The following TRAPPC9 variants were observed in gnomAD, a reference collection of about 807,000 sequenced individuals.
The protein encoded by TRAPPC9 is trafficking protein particle complex subunit 9.
In TRAPPC9, 83 loss-of-function variants were observed where a neutral mutation model predicts 124.0. The ratio of observed to expected loss-of-function variants is 0.67; its 90% CI spans 0.56 to 0.80. The LOEUF is 0.80. TRAPPC9 is among the 30% of genes least tolerant of loss of function. The pLI, the probability that TRAPPC9 is intolerant of heterozygous loss-of-function variation, is 0.00. For synonymous variants in TRAPPC9, 638 were observed against 617.5 expected, an observed-to-expected ratio of 1.03 and a Z score of -0.49; for missense variants, 1,302 against 1,508.3, an observed-to-expected ratio of 0.86 and a Z score of 2.27.
chr8:140,187,246 GT>G (rs2062372437), intron 17 of TRAPPC9, among the ~76,000 whole-genome samples: 1 of 152,150 alleles, frequency 6.6e-6, no homozygotes, highest in South Asian at 2.1e-4. Flanking sequence ...ATATACACAG[GT>G]TCTGCAAGGC....
At chr8:140,271,966 G>A (rs1421379310) in intron 15 of TRAPPC9, among the ~76,000 whole-genome samples, 9 of 151,762 alleles carry the variant, frequency 5.9e-5, no homozygotes, top group African/African-American at 2.2e-4. Flanking sequence ...TGGTGCTTGT[G>A]AGGATGGCAG....
At chr8:140,213,821 C>G (rs916376369) in intron 17 of TRAPPC9, among the ~76,000 whole-genome samples, 5 of 152,240 alleles carry the variant, frequency 3.3e-5, no homozygotes, top group Admixed American at 1.3e-4. Flanking sequence ...TGCTTTCCAG[C>G]AAGCTATAAG....
chr8:140,457,070 C>T (rs1324805607), intron 1 of TRAPPC9, among the ~76,000 whole-genome samples: 1 of 152,244 alleles, frequency 6.6e-6, no homozygotes, highest in Non-Finnish European at 1.5e-5. Flanking sequence ...AGCTAGATCG[C>T]AGGCACTTTG....
At chr8:140,334,966 A>T (rs1358942498) in intron 9 of TRAPPC9, among the ~76,000 whole-genome samples, 1 of 152,176 alleles carries the variant, frequency 6.6e-6, no homozygotes, top group African/African-American at 2.4e-5. Context: ...ACCATGTGAT[A>T]CACTTAAAAA....
chr8:140,036,633 G>A (rs2132002497), intron 17 of TRAPPC9, among the ~76,000 whole-genome samples: 1 of 152,292 alleles, frequency 6.6e-6, no homozygotes, highest in Non-Finnish European at 1.5e-5. Flanking sequence ...AGTGATGACA[G>A]TGTGACACAC....
At chr8:140,189,022 C>T (rs779800766) in intron 17 of TRAPPC9, among the ~76,000 whole-genome samples, 5 of 152,208 alleles carry the variant, frequency 3.3e-5, no homozygotes, top group Non-Finnish European at 5.9e-5. Context: ...CCAAATAACA[C>T]TACAAATGCT....
At chr8:140,047,391 G>C (rs1174355417) in intron 17 of TRAPPC9, among the ~76,000 whole-genome samples, 2 of 152,248 alleles carry the variant, frequency 1.3e-5, no homozygotes, top group Non-Finnish European at 2.9e-5. Flanking sequence ...GAAGGGTATG[G>C]AAGTCGTTCT....
At chr8:139,752,625 C>T (rs993741123) in intron 21 of TRAPPC9, among the ~76,000 whole-genome samples, 3 of 151,510 alleles carry the variant, frequency 2.0e-5, no homozygotes, top group Non-Finnish European at 2.9e-5. Context: ...TGTCCATCTA[C>T]CATCCATCTA....
chr8:140,349,100 A>AC (rs1295344556), intron 9 of TRAPPC9, among the ~76,000 whole-genome samples: 1 of 108,140 alleles, frequency 9.2e-6, no homozygotes, highest in Admixed American at 1.0e-4. Flanking sequence ...AGGGAAGGGC[A>AC]AGCGGGGGGG....
At chr8:140,360,884 C>T (rs1043422187) in intron 8 of TRAPPC9, among the ~76,000 whole-genome samples, 2 of 152,172 alleles carry the variant, frequency 1.3e-5, no homozygotes, top group African/African-American at 2.4e-5. Flanking sequence ...ACTACAGTTA[C>T]ACACCGCCAT....
rs569742491 is a variant in TRAPPC9 at position 139,786,223 on chromosome 8, T to C, written c.3056-54021A>G. On this transcript the variant is annotated intron_variant, in intron 21 of 22. Transcript: ENST00000438773. ...ACTCTGTCTCAAACAAACAAACAAATAAACCCAGTAAAATAATAGGCAAAA... is the reference window on the plus strand; with the variant it reads ...ACTCTGTCTCAAACAAACAAACAAACAAACCCAGTAAAATAATAGGCAAAA... Among the ~76,000 whole-genome samples the C allele has an allele frequency of 2.0e-5, 3 of 151,882 alleles. No individual in the cohort carries two copies. In the South Asian group the frequency reaches 6.2e-4, roughly 32 times the overall value.
At chr8:140,227,225 G>C (rs1195147177) in intron 16 of TRAPPC9, among the ~76,000 whole-genome samples, 1 of 152,138 alleles carries the variant, frequency 6.6e-6, no homozygotes, top group Non-Finnish European at 1.5e-5. Flanking sequence ...GGGCGCGCCT[G>C]GGAAGGATCT....
In TRAPPC9 at chr8:140,419,748, T is replaced by A. The variant is rs555690762; in HGVS notation, c.886+6867A>T. ...AAAATACAAAAAAATTAGCCGGGCG[T>A]GGTGGCGGGCGCCTATAGTCCCAGC... On this transcript the variant is annotated intron_variant, in intron 5 of 22. Transcript: ENST00000438773. Among the ~76,000 whole-genome samples the A allele has an allele frequency of 4.6e-5, 7 of 151,720 alleles. No homozygotes were observed. The South Asian group carries it at 1.0e-3, about 23-fold the overall frequency.
intron 15 of TRAPPC9, among the ~76,000 whole-genome samples, chr8:140,265,100 A>C (rs2064586129): frequency 6.6e-6 from 1 of 152,212 alleles, no homozygotes; most frequent in South Asian, 2.1e-4. Flanking sequence ...CACGAAAGGG[A>C]GAGGAAAACC....
chr8:140,193,574 A>C (rs1179990313), intron 17 of TRAPPC9, among the ~76,000 whole-genome samples: 2 of 147,270 alleles, frequency 1.4e-5, no homozygotes, highest in Non-Finnish European at 3.0e-5. Context: ...AAGAAATGAC[A>C]CTCTCCCACA....
At chr8:139,792,354 G>A (rs989786549) in intron 21 of TRAPPC9, among the ~76,000 whole-genome samples, 17 of 152,228 alleles carry the variant, frequency 1.1e-4, no homozygotes, top group Admixed American at 1.1e-3. Context: ...AGGCCTAGAG[G>A]CAGAGAGAAC....
Position 139,742,258 on chromosome 8 carries a change from T to C in TRAPPC9, c.3056-10056A>G, listed in dbSNP as rs1049009023. Among the ~76,000 whole-genome samples the C allele has an allele frequency of 2.3e-4, 35 of 152,216 alleles. No individual in the cohort carries two copies. Among genetic ancestry groups the C allele is most frequent in the Admixed American group, 1.0e-3 (16 of 15,288 alleles). On this transcript the variant is annotated intron_variant, in intron 21 of 22. Coordinates refer to ENST00000438773, the MANE Select transcript of TRAPPC9 (RefSeq NM_001160372.4). This position sits in a 1 kb window ranked among gnomAD's most constrained non-coding sequence, Gnocchi z 4.7. ...GGTTCTCACGTGCGTTCTCCCGATC[T>C]ACCCCCAACCGGCCATGCTGCCGGC...
intron 17 of TRAPPC9, among the ~76,000 whole-genome samples, chr8:140,135,823 C>G (rs1216556311): frequency 6.6e-6 from 1 of 152,126 alleles, no homozygotes; most frequent in Non-Finnish European, 1.5e-5. Context: ...GAGAACAAAA[C>G]CAGGTAGCAG....
At chr8:139,930,943 T>C (rs967507363) in intron 19 of TRAPPC9, among the ~76,000 whole-genome samples, 3 of 152,112 alleles carry the variant, frequency 2.0e-5, no homozygotes, top group African/African-American at 4.8e-5. Context: ...CCCCCTTTCA[T>C]AGGTATGGAA....
Sources: allele counts gnomAD v4.1 joint callset (sites outside exome capture counted in the v4.1 genomes callset), GRCh38; gene constraint gnomAD v4.1.1; non-coding constraint Gnocchi (gnomAD v3.1); transcripts MANE v1.5; gene names NCBI Gene and HGNC (gene_info 2026-07-23, HGNC 2026-07-21).